CIMAP2: variants seen among roughly 807,000 people sequenced by gnomAD.
CIMAP2 encodes the protein ciliary microtubule-associated protein 2.
chr1:54,807,928 T>C, the CIMAP2 span: 1 of 1,608,288 alleles, frequency 6.2e-7, no homozygotes, highest in East Asian at 2.2e-5. Flanking sequence ...CCTCAAAGAC[T>C]TCTTAGAACA....
chr1:54,811,773 G>GCTCCCCCC, the CIMAP2 span: 1 of 1,325,052 alleles, frequency 7.5e-7, no homozygotes. Flanking sequence ...CAGCCTCCAT[G>GCTCCCCCC]CCCCCACCCC....
the CIMAP2 span, chr1:54,807,720 C>G: frequency 8.4e-6 from 13 of 1,550,604 alleles, no homozygotes; most frequent in African/African-American, 1.4e-5. Context: ...GCCTCTCCCT[C>G]TCTGGTGCCA....
the CIMAP2 span, among the ~76,000 whole-genome samples, chr1:54,836,866 G>T: frequency 6.6e-6 from 1 of 152,018 alleles, no homozygotes; most frequent in African/African-American, 2.4e-5. Flanking sequence ...GGTGAATCAG[G>T]TGGGGTGGGA....
chr1:54,819,978 T>C, the CIMAP2 span, among the ~76,000 whole-genome samples: 9,571 of 110,404 alleles, frequency 0.087, 1,334 homozygotes, highest in African/African-American at 0.26. Context: ...TTCTTTCTTT[T>C]TCTCTCTTTC....
the CIMAP2 span, among the ~76,000 whole-genome samples, chr1:54,834,975 A>G: frequency 6.6e-6 from 1 of 152,146 alleles, no homozygotes; most frequent in Non-Finnish European, 1.5e-5. Flanking sequence ...ATTATCTTTC[A>G]TTTTTGATAA....
chr1:54,841,487 G>A, the CIMAP2 span: 6 of 1,439,136 alleles, frequency 4.2e-6, no homozygotes, highest in Non-Finnish European at 3.8e-6. Flanking sequence ...TCTGGTCCTT[G>A]GTCTTCCTCT....
chr1:54,816,993 C>T, the CIMAP2 span: 1 of 1,614,144 alleles, frequency 6.2e-7, no homozygotes, highest in Non-Finnish European at 8.5e-7. Flanking sequence ...TTGCAGAACC[C>T]AGTAGGTGTG....
chr1:54,821,052 A>C, the CIMAP2 span, among the ~76,000 whole-genome samples: 3 of 152,158 alleles, frequency 2.0e-5, no homozygotes, highest in Admixed American at 6.6e-5. Flanking sequence ...TATAGGCATG[A>C]GCCACAGCAC....
At chr1:54,837,883 C>A in the CIMAP2 span, among the ~76,000 whole-genome samples, 1 of 134,170 alleles carries the variant, frequency 7.5e-6, no homozygotes, top group Admixed American at 8.0e-5. Context: ...CTATACAGAT[C>A]ATTTCATCTT....
chr1:54,811,766 CCTCCATGCCCCCA>C, the CIMAP2 span: 7 of 1,305,180 alleles, frequency 5.4e-6, no homozygotes, highest in Non-Finnish European at 6.5e-6. Flanking sequence ...GTTCTGACAG[CCTCCATGCCCCCA>C]CCCCCGCCCC....
chr1:54,813,893 T>A, the CIMAP2 span: 6 of 1,612,588 alleles, frequency 3.7e-6, no homozygotes, highest in African/African-American at 4.0e-5. Flanking sequence ...AAGCATGGGG[T>A]TTTTTCTAAA....
At chr1:54,823,533 C>T in the CIMAP2 span, among the ~76,000 whole-genome samples, 1 of 152,142 alleles carries the variant, frequency 6.6e-6, no homozygotes, top group African/African-American at 2.4e-5. Flanking sequence ...CAGTCTATAT[C>T]TTTTAATTGG....
At chr1:54,825,342 C>T in the CIMAP2 span, among the ~76,000 whole-genome samples, 246 of 152,102 alleles carry the variant, frequency 1.6e-3, 2 homozygotes, top group African/African-American at 5.6e-3. Flanking sequence ...TGAGCCACCA[C>T]GCCCGGTGGG....
the CIMAP2 span, chr1:54,806,355 A>AG: frequency 2.3e-6 from 2 of 887,488 alleles, no homozygotes; most frequent in South Asian, 3.9e-5. Flanking sequence ...GGGGAACCAG[A>AG]GGAGTGGGGG....
the CIMAP2 span, among the ~76,000 whole-genome samples, chr1:54,822,133 C>T: frequency 8.9e-4 from 90 of 101,054 alleles, 8 homozygotes; most frequent in Middle Eastern, 6.5e-3. Flanking sequence ...CTTCTGACCT[C>T]GTGATCCGCC....
At chr1:54,836,858 T>A in the CIMAP2 span, among the ~76,000 whole-genome samples, 1 of 151,758 alleles carries the variant, frequency 6.6e-6, no homozygotes, top group East Asian at 1.9e-4. Flanking sequence ...CGAAGCCAGG[T>A]GAATCAGGTG....
chr1:54,806,324 C>A, the CIMAP2 span: 1 of 1,176,112 alleles, frequency 8.5e-7, no homozygotes, highest in Non-Finnish European at 1.1e-6. Flanking sequence ...CACCTACACA[C>A]AGGGCTGAGC....
the CIMAP2 span, chr1:54,806,340 G>A: frequency 4.7e-6 from 5 of 1,057,582 alleles, no homozygotes; most frequent in Admixed American, 3.7e-5. Context: ...TGAGCCTGGC[G>A]GGGAGGGGAA....
the CIMAP2 span, among the ~76,000 whole-genome samples, chr1:54,829,173 A>G: frequency 6.6e-6 from 1 of 152,206 alleles, no homozygotes; most frequent in African/African-American, 2.4e-5. Flanking sequence ...AATCAGAAAA[A>G]TAGTACAAAT....
Sources: allele counts gnomAD v4.1 joint callset (sites outside exome capture counted in the v4.1 genomes callset), GRCh38; gene constraint gnomAD v4.1.1; transcripts MANE v1.5; gene names NCBI Gene and HGNC (gene_info 2026-07-23, HGNC 2026-07-21).